Variants in ASTN2 observed in about 807,000 individuals in gnomAD.
ASTN2 encodes astrotactin 2.
Under a neutral mutation model 139.8 loss-of-function variants are expected in ASTN2, and 54 were observed. The ratio of observed to expected loss-of-function variants is 0.39; its 90% CI spans 0.31 to 0.48. ASTN2 has a LOEUF of 0.48. ASTN2 is among the 20% of genes least tolerant of loss of function. The probability of loss-of-function intolerance (pLI) is 0.95; values close to 1 mark genes in which losing one functional copy is unlikely to be tolerated. For synonymous variants in ASTN2, 756 were observed against 719.5 expected (o/e 1.05, Z -0.81); for missense variants, 1,565 against 1,725.1 (o/e 0.91, Z 1.64).
intron 7 of ASTN2, among the ~76,000 whole-genome samples, chr9:117,003,530 G>GGTGTGTGTGTGTGTGTGTGTGT (rs11271769): frequency 0.046 from 4,768 of 103,232 alleles, 597 homozygotes; most frequent in African/African-American, 0.13. Context: ...TCTAAAGAGT[G>GGTGTGTGTGTGTGTGTGTGTGT]GTGTGTGTGT....
At chr9:117,198,798 T>A (rs948255968) in intron 3 of ASTN2, among the ~76,000 whole-genome samples, 2 of 152,192 alleles carry the variant, frequency 1.3e-5, no homozygotes, top group Non-Finnish European at 2.9e-5. Context: ...CATCAGCAAC[T>A]ATTGTTTCCT....
chr9:116,650,358 T>G (rs1464247694), intron 17 of ASTN2, among the ~76,000 whole-genome samples: 1 of 152,130 alleles, frequency 6.6e-6, no homozygotes, highest in Non-Finnish European at 1.5e-5. Flanking sequence ...CCTCAAGCCC[T>G]GCCATTCTAT....
intron 13 of ASTN2, among the ~76,000 whole-genome samples, chr9:116,757,086 T>A (rs1040672495): frequency 3.3e-5 from 5 of 152,168 alleles, no homozygotes; most frequent in Non-Finnish European, 7.4e-5. Context: ...TCCCTTTTTT[T>A]GAGGACTCCT....
At chr9:117,216,644 T>G (rs1564484848) in intron 2 of ASTN2, among the ~76,000 whole-genome samples, 1 of 152,210 alleles carries the variant, frequency 6.6e-6, no homozygotes, top group Non-Finnish European at 1.5e-5. Flanking sequence ...TTTTTTTTCC[T>G]CTACAGAACA....
chr9:117,396,930 A>G (rs1830692625), intron 1 of ASTN2, among the ~76,000 whole-genome samples: 1 of 142,808 alleles, frequency 7.0e-6, no homozygotes, highest in African/African-American at 2.6e-5. Context: ...TGGGGTATCC[A>G]TCCACTCAAG....
At chr9:116,467,245 A>T (rs1848673496) in intron 20 of ASTN2, among the ~76,000 whole-genome samples, 1 of 105,978 alleles carries the variant, frequency 9.4e-6, no homozygotes, top group South Asian at 4.8e-4. Flanking sequence ...AAACTTGAGG[A>T]AAGAGATAGA....
At chr9:117,093,977 T>C (rs1217881119) in intron 5 of ASTN2, among the ~76,000 whole-genome samples, 5 of 152,294 alleles carry the variant, frequency 3.3e-5, no homozygotes, top group Middle Eastern at 3.4e-3. Context: ...TATTTTGATA[T>C]AATACAAACC....
chr9:116,686,836 T>C, intron 16 of ASTN2: 1 of 1,550,186 alleles, frequency 6.5e-7, no homozygotes, highest in Non-Finnish European at 8.7e-7. Context: ...CAGCTCTCTG[T>C]CAGAGCACAG....
chr9:117,044,911 G>T (rs1026856065), intron 5 of ASTN2, among the ~76,000 whole-genome samples: 2 of 152,178 alleles, frequency 1.3e-5, no homozygotes, highest in African/African-American at 4.8e-5. Context: ...ATTTTACAGA[G>T]AGTAGAAGTG....
intron 4 of ASTN2, among the ~76,000 whole-genome samples, chr9:117,139,126 T>C (rs1258928427): frequency 6.6e-6 from 1 of 152,148 alleles, no homozygotes; most frequent in Non-Finnish European, 1.5e-5. Flanking sequence ...AGGAGGGGGA[T>C]TTCTGGTGAA....
Position 116,514,736 on chromosome 9 carries a change from G to T in ASTN2, c.3356-27236C>A, listed in dbSNP as rs534279668. Among the ~76,000 whole-genome samples, 743 of 152,276 alleles carry T rather than the reference G, an allele frequency of 4.9e-3. 2 individuals carry two copies. Among genetic ancestry groups the T allele is most frequent in the Middle Eastern group, 0.02 (6 of 294 alleles). On this transcript the variant is annotated intron_variant, in intron 19 of 22. Transcript: ENST00000313400. ...CAGCCTCGCTGCTGCCTTGCAGTTCGATCTCAGACTGCTGTGCAAGCAGTA... is the reference window on the plus strand; with the variant it reads ...CAGCCTCGCTGCTGCCTTGCAGTTCTATCTCAGACTGCTGTGCAAGCAGTA...
At chr9:117,143,304 T>C (rs13283855) in intron 3 of ASTN2, among the ~76,000 whole-genome samples, 7,861 of 152,270 alleles carry the variant, frequency 0.052, 333 homozygotes, top group East Asian at 0.22. Context: ...GGGTCCCTTC[T>C]TCAAGCCTGG....
chr9:117,098,350 G>C (rs1828888526), intron 4 of ASTN2, among the ~76,000 whole-genome samples: 1 of 152,148 alleles, frequency 6.6e-6, no homozygotes, highest in Admixed American at 6.5e-5. Context: ...TTCGAAACCA[G>C]GTGGAACTAA....
At chr9:116,428,159 C>G (rs993670127) in intron 22 of ASTN2, among the ~76,000 whole-genome samples, 2 of 152,132 alleles carry the variant, frequency 1.3e-5, no homozygotes, top group Non-Finnish European at 2.9e-5. Context: ...CAAGGATGTC[C>G]AAGTAGGCTT....
At chr9:116,561,162 C>T (rs905302658) in intron 19 of ASTN2, among the ~76,000 whole-genome samples, 4 of 152,046 alleles carry the variant, frequency 2.6e-5, no homozygotes, top group African/African-American at 4.8e-5. Flanking sequence ...TCCAAACACT[C>T]GCACCCAGAT....
chr9:117,243,892 T>C (rs547532501), intron 2 of ASTN2, among the ~76,000 whole-genome samples: 1 of 152,100 alleles, frequency 6.6e-6, no homozygotes, highest in South Asian at 2.1e-4. Flanking sequence ...TACCTAACCA[T>C]GATATGGTTA....
chr9:117,010,600 A>G (rs947528255), intron 6 of ASTN2, among the ~76,000 whole-genome samples: 5 of 152,216 alleles, frequency 3.3e-5, no homozygotes, highest in African/African-American at 1.2e-4. Flanking sequence ...GTGTGATACC[A>G]ATTCCCTTTT....
intron 10 of ASTN2, among the ~76,000 whole-genome samples, chr9:116,932,993 G>A (rs931357493): frequency 3.1e-4 from 35 of 111,900 alleles, no homozygotes; most frequent in South Asian, 6.6e-4. Context: ...GTGACAGAGC[G>A]AGACTCTGTC....
At chr9:116,756,128 T>C (rs539625605) in intron 13 of ASTN2, among the ~76,000 whole-genome samples, 17 of 152,312 alleles carry the variant, frequency 1.1e-4, no homozygotes, top group Admixed American at 9.8e-4. Context: ...GGGCTTAGTT[T>C]GATTTCCAGG....
Sources: allele counts gnomAD v4.1 joint callset (sites outside exome capture counted in the v4.1 genomes callset), GRCh38; gene constraint gnomAD v4.1.1; transcripts MANE v1.5; gene names NCBI Gene and HGNC (gene_info 2026-07-23, HGNC 2026-07-21).